IL1RAPL2: variants seen among roughly 807,000 people sequenced by gnomAD.
IL1RAPL2 encodes interleukin 1 receptor accessory protein like 2.
Under a neutral mutation model 44.1 loss-of-function variants are expected in IL1RAPL2, and 3 were observed. The ratio of observed to expected loss-of-function variants is 0.07; its 90% CI spans 0.03 to 0.18. The LOEUF is 0.18. IL1RAPL2 is among the 10% of genes least tolerant of loss of function. The probability of loss-of-function intolerance (pLI) is 1.00; values close to 1 mark genes in which losing one functional copy is unlikely to be tolerated. For synonymous variants in IL1RAPL2, 181 were observed against 178.8 expected (o/e 1.01, Z -0.10); for missense variants, 391 against 496.4 (o/e 0.79, Z 2.02).
At chrX:105,760,424 T>C (rs962341455) in intron 10 of IL1RAPL2, among the ~76,000 whole-genome samples, 2 of 111,513 alleles carry the variant, frequency 1.8e-5, no homozygotes, top group Non-Finnish European at 3.8e-5. Context: ...AGGTGGAGGG[T>C]ATTTTGCAGG....
intron 6 of IL1RAPL2, among the ~76,000 whole-genome samples, chrX:105,541,578 G>A (rs992204029): frequency 7.2e-5 from 8 of 110,872 alleles, no homozygotes; most frequent in Middle Eastern, 4.3e-3. Context: ...GTCCTAGCCT[G>A]AGAAGAGGAG....
intron 5 of IL1RAPL2, among the ~76,000 whole-genome samples, chrX:105,309,282 C>T (rs2034776553): frequency 9.3e-6 from 1 of 107,773 alleles, no homozygotes; most frequent in Admixed American, 1.0e-4. Context: ...AGTAATCTGC[C>T]TGCCTTGGCC....
chrX:105,346,487 A>T (rs2035111467), intron 5 of IL1RAPL2, among the ~76,000 whole-genome samples: 1 of 112,458 alleles, frequency 8.9e-6, no homozygotes, highest in African/African-American at 3.2e-5. Flanking sequence ...ATCTATCAGA[A>T]AATAAATCAC....
At chrX:105,622,666 T>C (rs972742277) in intron 6 of IL1RAPL2, among the ~76,000 whole-genome samples, 9 of 111,623 alleles carry the variant, frequency 8.1e-5, no homozygotes, top group Non-Finnish European at 1.7e-4. Context: ...AGCAGACTGT[T>C]CTGTTGTTGA....
At chrX:105,567,913 G>GA (rs1276211875) in intron 6 of IL1RAPL2, among the ~76,000 whole-genome samples, 1 of 110,871 alleles carries the variant, frequency 9.0e-6, no homozygotes, top group Non-Finnish European at 1.9e-5. Context: ...CCCTAAAAAG[G>GA]AAAAAAAGCC....
intron 5 of IL1RAPL2, among the ~76,000 whole-genome samples, chrX:105,479,566 C>A (rs866445056): frequency 3.3e-4 from 36 of 108,409 alleles, no homozygotes; most frequent in African/African-American, 1.0e-3. Flanking sequence ...ATGGAGAAAC[C>A]CTGTCTCTAC....
intron 5 of IL1RAPL2, among the ~76,000 whole-genome samples, chrX:105,426,858 C>T (rs749545954): frequency 8.9e-6 from 1 of 112,071 alleles, no homozygotes; most frequent in African/African-American, 3.2e-5. Context: ...CAGACCCCAC[C>T]AGAGAAAACC....
At chrX:105,626,559 T>C (rs1422646043) in intron 6 of IL1RAPL2, among the ~76,000 whole-genome samples, 2 of 111,182 alleles carry the variant, frequency 1.8e-5, no homozygotes, top group East Asian at 5.7e-4. Flanking sequence ...AGATTTTAAA[T>C]ATAAACATGG....
intron 3 of IL1RAPL2, among the ~76,000 whole-genome samples, chrX:105,230,391 T>C (rs2034057929): frequency 9.1e-6 from 1 of 109,899 alleles, no homozygotes; most frequent in African/African-American, 3.3e-5. Flanking sequence ...GTGTTGTTTT[T>C]ATATTGCTCA....
chrX:104,689,155 T>G (rs910932217), intron 2 of IL1RAPL2, among the ~76,000 whole-genome samples: 26 of 111,925 alleles, frequency 2.3e-4, no homozygotes, highest in African/African-American at 6.2e-4. Flanking sequence ...CTTGGTGGTG[T>G]TATATATATT....
At chrX:104,888,164 A>G (rs1045926461) in intron 2 of IL1RAPL2, among the ~76,000 whole-genome samples, 14 of 110,259 alleles carry the variant, frequency 1.3e-4, no homozygotes, top group Admixed American at 1.2e-3. Context: ...CAGAAGGGAG[A>G]ACAGCAGCAT....
At chrX:104,777,544 T>A (rs1401718518) in intron 2 of IL1RAPL2, among the ~76,000 whole-genome samples, 2 of 26,114 alleles carry the variant, frequency 7.7e-5, no homozygotes, top group Non-Finnish European at 1.7e-4. Flanking sequence ...TGCTTTCAAT[T>A]ATTATTATTA....
intron 6 of IL1RAPL2, among the ~76,000 whole-genome samples, chrX:105,646,047 C>G (rs1295082037): frequency 1.8e-5 from 2 of 111,488 alleles, no homozygotes; most frequent in Non-Finnish European, 3.8e-5. Context: ...ATCCCATACT[C>G]GGTACCCAGA....
At position 104,574,755 on chromosome X, in the gene IL1RAPL2, A is replaced by G. The variant is rs760475715; in HGVS notation, c.-20+7704A>G. Among the ~76,000 whole-genome samples, 4 of 112,195 alleles carry G rather than the reference A, an allele frequency of 3.6e-5. No homozygotes were observed. The East Asian group carries it at 1.1e-3, about 31-fold the overall frequency. The stretch of plus-strand genomic sequence containing the variant: ...GACCTACATTTATTGATATGGAAAT[A>G]TATCCATAAATATAATTTAATGGAA... On this transcript the variant is annotated intron_variant, in intron 1 of 10. Coordinates refer to ENST00000372582, the MANE Select transcript of IL1RAPL2 (RefSeq NM_017416.2).
chrX:104,881,438 G>T (rs1923067910), intron 2 of IL1RAPL2, among the ~76,000 whole-genome samples: 2 of 112,008 alleles, frequency 1.8e-5, no homozygotes, highest in Non-Finnish European at 1.9e-5. Flanking sequence ...TATAAGCATA[G>T]TCTCATTTTA....
intron 6 of IL1RAPL2, among the ~76,000 whole-genome samples, chrX:105,495,259 C>G: frequency 8.9e-6 from 1 of 111,963 alleles, no homozygotes; most frequent in African/African-American, 3.2e-5. Context: ...TCAGTTAAAG[C>G]AAGTCCTTTG....
intron 2 of IL1RAPL2, among the ~76,000 whole-genome samples, chrX:105,109,142 C>T (rs1257630024): frequency 8.9e-6 from 1 of 112,223 alleles, no homozygotes; most frequent in Non-Finnish European, 1.9e-5. Flanking sequence ...CCATAGAAAG[C>T]TGCACTCTCT....
chrX:105,566,925 A>G (rs1056451992), intron 6 of IL1RAPL2, among the ~76,000 whole-genome samples: 4 of 110,565 alleles, frequency 3.6e-5, no homozygotes, highest in Non-Finnish European at 7.6e-5. Flanking sequence ...CTGTTCTGCA[A>G]ATGTCCTTTT....
intron 2 of IL1RAPL2, among the ~76,000 whole-genome samples, chrX:105,026,759 A>G (rs1158161627): frequency 9.0e-6 from 1 of 111,045 alleles, no homozygotes; most frequent in Non-Finnish European, 1.9e-5. Context: ...AAATGTTTAT[A>G]CTACCCAAAG....
Sources: allele counts gnomAD v4.1 joint callset (sites outside exome capture counted in the v4.1 genomes callset), GRCh38; gene constraint gnomAD v4.1.1; transcripts MANE v1.5; gene names NCBI Gene and HGNC (gene_info 2026-07-23, HGNC 2026-07-21).